Variants in ELOVL6 observed in about 807,000 individuals in gnomAD.
The protein encoded by ELOVL6 is very long chain fatty acid elongase 6.
Under a neutral mutation model 31.7 loss-of-function variants are expected in ELOVL6, and 8 were observed. That is an observed-to-expected ratio of 0.25 (90% CI 0.15 to 0.45). ELOVL6 has a LOEUF of 0.45. Ranked by LOEUF, ELOVL6 falls within the 20% of genes least tolerant of loss-of-function variation. The probability of loss-of-function intolerance (pLI) is 1.00; values close to 1 mark genes in which losing one functional copy is unlikely to be tolerated. For missense variants in ELOVL6, 126 were observed against 326.4 expected (o/e 0.39, Z 4.73); for synonymous variants, 101 against 117.7 (o/e 0.86, Z 0.92).
intron 1 of ELOVL6, among the ~76,000 whole-genome samples, chr4:110,134,398 T>C (rs956054949): frequency 2.0e-5 from 3 of 152,154 alleles, no homozygotes; most frequent in Non-Finnish European, 4.4e-5. Flanking sequence ...AAACACTTCT[T>C]ACCCTCAGGA....
At chr4:110,078,025 G>A (rs907384865) in intron 2 of ELOVL6, among the ~76,000 whole-genome samples, 1 of 152,164 alleles carries the variant, frequency 6.6e-6, no homozygotes, top group Non-Finnish European at 1.5e-5. Context: ...AAAGCAAGAA[G>A]AGAACTTTAG....
At chr4:110,152,522 G>A (rs548824119) in intron 1 of ELOVL6, among the ~76,000 whole-genome samples, 3 of 152,308 alleles carry the variant, frequency 2.0e-5, no homozygotes, top group South Asian at 2.1e-4. Context: ...ATAGTGCCAC[G>A]CCCGGCCTTT....
In ELOVL6 at chr4:110,050,132, G is replaced by A. The variant is rs1754799300; in HGVS notation, c.*1206C>T. ...TTGTAGTATTGCCACTCAGCCAGCA[G>A]AGGGCCCTTTAAACACCTCTACATT... is the stretch of plus-strand genomic sequence containing the variant. On this transcript the variant is annotated 3_prime_UTR_variant, in exon 4 of 4. Transcript: ENST00000302274. 6.6e-6 allele frequency: 1 copy of A among 152,580 alleles called. No individual in the cohort carries two copies. The highest frequency in any genetic ancestry group is 6.5e-5 in the Admixed American group (1 of 15,276). 9.5% of individuals were successfully genotyped at this position (152,580 alleles called of 1,614,324 possible).
At chr4:110,077,417 T>C (rs1237223163) in intron 2 of ELOVL6, among the ~76,000 whole-genome samples, 4 of 152,108 alleles carry the variant, frequency 2.6e-5, no homozygotes, top group Non-Finnish European at 5.9e-5. Context: ...CAGGCAGCAA[T>C]ATTTGCTGGT....
At chr4:110,191,142 AC>A (rs1184907831) in intron 1 of ELOVL6, among the ~76,000 whole-genome samples, 1 of 152,146 alleles carries the variant, frequency 6.6e-6, no homozygotes, top group Non-Finnish European at 1.5e-5. Flanking sequence ...TTAAAAAAGG[AC>A]CCATGTATCT....
At chr4:110,141,723 T>A (rs1653892945) in intron 1 of ELOVL6, among the ~76,000 whole-genome samples, 2 of 145,908 alleles carry the variant, frequency 1.4e-5, no homozygotes, top group African/African-American at 5.1e-5. Flanking sequence ...ATATATATAC[T>A]AATTGTATTG....
Position 110,198,236 on chromosome 4 carries a change from G to T in ELOVL6, c.89+11C>A. 1.3e-6 allele frequency: 2 copies of T among 1,533,306 alleles called. No homozygotes were observed. The highest frequency in any genetic ancestry group is 2.2e-5 in the East Asian group (1 of 44,458). The allele number at this position is 1,533,306 out of a possible 1,614,324, so 95.0% of individuals were successfully genotyped here. ...CTCCCGGGAACAGTATCAGGCGAAA[G>T]CATCACGTACCAGTTTTCCTGCATC... On this transcript the variant is annotated intron_variant, in intron 1 of 3. Transcript: ENST00000302274.
At chr4:110,190,637 T>C (rs1759586711) in intron 1 of ELOVL6, among the ~76,000 whole-genome samples, 1 of 152,076 alleles carries the variant, frequency 6.6e-6, no homozygotes, top group Non-Finnish European at 1.5e-5. Context: ...CTGGAGTAGC[T>C]GGGATTACAG....
chr4:110,124,190 A>ACT (rs958464148), intron 1 of ELOVL6, among the ~76,000 whole-genome samples: 1 of 152,150 alleles, frequency 6.6e-6, no homozygotes, highest in Non-Finnish European at 1.5e-5. Context: ...CAGCAATCCC[A>ACT]CTACTGGGTA....
At chr4:110,061,332 C>A (rs936856843) in intron 2 of ELOVL6, among the ~76,000 whole-genome samples, 1 of 152,108 alleles carries the variant, frequency 6.6e-6, no homozygotes, top group Non-Finnish European at 1.5e-5. Flanking sequence ...GCCTCAGGAC[C>A]TTTGCATTTC....
Position 110,136,391 on chromosome 4 carries a change from C to A in ELOVL6, c.90-30763G>T, listed in dbSNP as rs560288937. On this transcript the variant is annotated intron_variant, in intron 1 of 3. Coordinates refer to ENST00000302274, the MANE Select transcript of ELOVL6 (RefSeq NM_024090.3). The stretch of plus-strand genomic sequence containing the variant: ...TAAAATGTTCACTCTATATTGAACG[C>A]CTTATTTAAAACTCGAAATGTGTAA... Among the ~76,000 whole-genome samples, 34 of 152,166 alleles carry A rather than the reference C, an allele frequency of 2.2e-4. No individual in the cohort carries two copies. The South Asian group carries it at 7.1e-3, about 32-fold the overall frequency.
intron 1 of ELOVL6, among the ~76,000 whole-genome samples, chr4:110,156,489 T>C (rs1758419771): frequency 6.6e-6 from 1 of 152,000 alleles, no homozygotes; most frequent in Admixed American, 6.6e-5. Flanking sequence ...AGTTCGAGAC[T>C]AGCCTAGGGA....
intron 3 of ELOVL6, among the ~76,000 whole-genome samples, chr4:110,057,598 A>C (rs1414256886): frequency 2.0e-5 from 3 of 152,018 alleles, no homozygotes; most frequent in Admixed American, 6.5e-5. Flanking sequence ...TGCCTATAAT[A>C]CTAGCACTTT....
Position 110,173,187 on chromosome 4 carries a change from G to A in ELOVL6, c.89+25060C>T, listed in dbSNP as rs189962148. On this transcript the variant is annotated intron_variant, in intron 1 of 3. Transcript: ENST00000302274. ...CCAGACAGAACAAATTATTGGGTGTGACTTAGTCAAGCATGAGAACAAACA... is the reference window on the plus strand; with the variant it reads ...CCAGACAGAACAAATTATTGGGTGTAACTTAGTCAAGCATGAGAACAAACA... Among the ~76,000 whole-genome samples, 358 of 152,288 alleles carry A rather than the reference G, an allele frequency of 2.4e-3. 5 individuals are homozygous for A. Among genetic ancestry groups the A allele is most frequent in the Non-Finnish European group, 6.6e-4 (45 of 68,022 alleles).
At chr4:110,143,317 T>A (rs1423589096) in intron 1 of ELOVL6, among the ~76,000 whole-genome samples, 2 of 151,974 alleles carry the variant, frequency 1.3e-5, no homozygotes, top group African/African-American at 4.8e-5. Flanking sequence ...GTAAAAAAAA[T>A]CGTTTGAGAT....
intron 2 of ELOVL6, among the ~76,000 whole-genome samples, chr4:110,078,996 C>T (rs1262525382): frequency 6.6e-6 from 1 of 152,038 alleles, no homozygotes; most frequent in Non-Finnish European, 1.5e-5. Context: ...ACAAAGAAGG[C>T]CATTACATAA....
At chr4:110,105,164 G>C (rs76054134) in intron 2 of ELOVL6, among the ~76,000 whole-genome samples, 1 of 152,188 alleles carries the variant, frequency 6.6e-6, no homozygotes, top group African/African-American at 2.4e-5. Flanking sequence ...CAGGTTACTT[G>C]TGTGCCTTCC....
intron 1 of ELOVL6, among the ~76,000 whole-genome samples, chr4:110,183,765 T>C (rs375777811): frequency 6.6e-6 from 1 of 152,138 alleles, no homozygotes; most frequent in Non-Finnish European, 1.5e-5. Context: ...GCAATCTGGA[T>C]TGCTTTGAGC....
At chr4:110,179,546 T>C (rs1578283370) in intron 1 of ELOVL6, among the ~76,000 whole-genome samples, 1 of 149,922 alleles carries the variant, frequency 6.7e-6, no homozygotes, top group African/African-American at 2.4e-5. Context: ...TAAACCCAAA[T>C]GAAATAAAGA....
Sources: gnomAD v4.1 joint callset for allele counts (sites outside exome capture counted in the v4.1 genomes callset) on GRCh38, gnomAD v4.1.1 for gene constraint, MANE v1.5 for transcripts, NCBI Gene and HGNC (gene_info 2026-07-23, HGNC 2026-07-21) for gene names.